The following HS1BP3 variants were observed in gnomAD, a reference collection of about 807,000 sequenced individuals.
HS1BP3 encodes HCLS1-binding protein 3.
HS1BP3 carries 32 observed loss-of-function variants against 33.5 expected under a neutral mutation model. The observed-to-expected ratio is 0.95, with a 90% CI of 0.72 to 1.28. The LOEUF (loss-of-function observed/expected upper bound fraction) is 1.28. Ranked by LOEUF, HS1BP3 falls within the 50% of genes most tolerant of loss-of-function variation. HS1BP3 has a pLI of 0.00. For missense variants in HS1BP3, 486 were observed against 502.3 expected (o/e 0.97, Z 0.31); for synonymous variants, 187 against 209.2 (o/e 0.89, Z 0.92).
chr2:20,565,139 T>C (rs1558315457), intron 5 of HS1BP3, among the ~76,000 whole-genome samples: 1 of 152,118 alleles, frequency 6.6e-6, no homozygotes. Context: ...GACACAAAAT[T>C]GTGGCTCAGT....
chr2:20,559,536 G>A (rs1335986615), downstream of HS1BP3, among the ~76,000 whole-genome samples: 2 of 151,892 alleles, frequency 1.3e-5, no homozygotes, highest in Admixed American at 1.3e-4. Flanking sequence ...ATGGATGGAT[G>A]CATGGATGGA....
At chr2:20,633,626 G>A (rs1444297252) in intron 4 of HS1BP3, among the ~76,000 whole-genome samples, 4 of 152,154 alleles carry the variant, frequency 2.6e-5, no homozygotes, top group South Asian at 2.1e-4. Flanking sequence ...AGGTTCAAGC[G>A]ATTCTCCTGC....
chr2:20,625,323 C>G (rs1694746401), intron 4 of HS1BP3, among the ~76,000 whole-genome samples: 1 of 152,206 alleles, frequency 6.6e-6, no homozygotes, highest in Non-Finnish European at 1.5e-5. Flanking sequence ...CTCTTAGACG[C>G]CTTCAGGCCT....
At chr2:20,603,374 G>A (rs923292294) in intron 2 of HS1BP3, among the ~76,000 whole-genome samples, 2 of 152,204 alleles carry the variant, frequency 1.3e-5, no homozygotes, top group African/African-American at 4.8e-5. Flanking sequence ...GTAAAGCTAT[G>A]CAAAGAATTG....
intron 2 of HS1BP3, among the ~76,000 whole-genome samples, chr2:20,642,564 G>T (rs1010579687): frequency 2.0e-5 from 3 of 152,346 alleles, no homozygotes; most frequent in Admixed American, 6.5e-5. Flanking sequence ...CACGGTGGGG[G>T]CCGGGCGCCC....
chr2:20,590,925 A>G (rs981360615), downstream of HS1BP3: 1 of 167,200 alleles, frequency 6.0e-6, no homozygotes, highest in Non-Finnish European at 1.5e-5. Context: ...TTCCTATTCA[A>G]TAAAGGGAAG....
downstream of HS1BP3, among the ~76,000 whole-genome samples, chr2:20,617,374 T>C (rs1364827857): frequency 6.6e-6 from 1 of 152,082 alleles, no homozygotes; most frequent in Non-Finnish European, 1.5e-5. Context: ...CTCAGAGCCC[T>C]GGGGAGGGAG....
intron 2 of HS1BP3, among the ~76,000 whole-genome samples, chr2:20,605,589 G>T (rs1434514469): frequency 6.6e-6 from 1 of 151,992 alleles, no homozygotes; most frequent in African/African-American, 2.4e-5. Flanking sequence ...ATACCTCCCC[G>T]CACTCCCAGC....
Position 20,638,573 on chromosome 2 carries a change from A to T in HS1BP3, c.486T>A (p.Asn162Lys). The change falls in exon 4 of 7, where the codon AAT (asparagine) becomes AAA (lysine). Residue 162 changes from asparagine (N) to lysine (K), a missense_variant. Asn to Lys is a moderately conservative substitution (Grantham distance 94). Coordinates refer to ENST00000304031, the MANE Select transcript of HS1BP3 (RefSeq NM_022460.4). ...CAAAAAAGTCGAAAGCCTCTTCATC[A>T]TTCCCTGTCTGACTGTCTGTGCCAT... ...VLDGTDSQTG[N>K]DEEAFDFFEE... The T allele has an allele frequency of 6.2e-7, 1 of 1,614,202 alleles. No individual in the cohort carries two copies. The highest frequency in any genetic ancestry group is 8.5e-7 in the Non-Finnish European group (1 of 1,180,036).
At chr2:20,624,067 C>A (rs778006366) in intron 5 of HS1BP3, 36 bp from the exon 6 acceptor site, 1 of 1,603,352 alleles carries the variant, frequency 6.2e-7, no homozygotes, top group Non-Finnish European at 8.5e-7. Flanking sequence ...TCAGAGGAAG[C>A]CTCTAGGCTG....
chr2:20,621,285 G>A (rs574277785), intron 6 of HS1BP3, among the ~76,000 whole-genome samples: 2 of 152,338 alleles, frequency 1.3e-5, no homozygotes, highest in African/African-American at 4.8e-5. Flanking sequence ...AAGGAGCTCC[G>A]GACACCCTGC....
At chr2:20,625,446 C>T (rs1433866797) in intron 4 of HS1BP3, among the ~76,000 whole-genome samples, 1 of 152,246 alleles carries the variant, frequency 6.6e-6, no homozygotes, top group African/African-American at 2.4e-5. Context: ...GAACCACACT[C>T]CACAGCCACT....
chr2:20,565,349 C>T (rs887021577), intron 5 of HS1BP3, among the ~76,000 whole-genome samples: 1 of 152,226 alleles, frequency 6.6e-6, no homozygotes, highest in Non-Finnish European at 1.5e-5. Context: ...ATGGACCAGG[C>T]ACTTCCATGG....
At chr2:20,620,943 G>A (rs183862485) in intron 6 of HS1BP3, among the ~76,000 whole-genome samples, 2 of 152,374 alleles carry the variant, frequency 1.3e-5, no homozygotes, top group African/African-American at 4.8e-5. Flanking sequence ...TCCAGAGAAG[G>A]GAGTGAGCCC....
chr2:20,569,428 TA>T (rs1375374494), intron 5 of HS1BP3, among the ~76,000 whole-genome samples: 10 of 152,210 alleles, frequency 6.6e-5, no homozygotes, highest in Non-Finnish European at 1.0e-4. Flanking sequence ...GACTCCTACA[TA>T]GGGTGGCCAA....
intron 4 of HS1BP3, among the ~76,000 whole-genome samples, chr2:20,628,410 A>C (rs915557023): frequency 2.6e-5 from 4 of 152,112 alleles, no homozygotes; most frequent in African/African-American, 7.2e-5. Context: ...TAAAGCAAAA[A>C]GTTTACGGGA....
chr2:20,633,875 T>C (rs1695040503), intron 4 of HS1BP3, among the ~76,000 whole-genome samples: 1 of 152,256 alleles, frequency 6.6e-6, no homozygotes, highest in Non-Finnish European at 1.5e-5. Context: ...TGTGCTGCTG[T>C]GATCACTGTG....
At chr2:20,639,827 A>G (rs371338708) in intron 3 of HS1BP3, among the ~76,000 whole-genome samples, 4 of 152,312 alleles carry the variant, frequency 2.6e-5, no homozygotes, top group Admixed American at 6.5e-5. Context: ...TCTTCCAGCG[A>G]TGGCTGAGCT....
downstream of HS1BP3, among the ~76,000 whole-genome samples, chr2:20,556,469 AT>A (rs1180949560): frequency 3.0e-5 from 2 of 66,822 alleles, no homozygotes; most frequent in African/African-American, 5.5e-5. Context: ...TATCAAATAT[AT>A]TATCAAATTC....
Sources: allele counts gnomAD v4.1 joint callset (sites outside exome capture counted in the v4.1 genomes callset), GRCh38; gene constraint gnomAD v4.1.1; transcripts MANE v1.5; gene names NCBI Gene and HGNC (gene_info 2026-07-23, HGNC 2026-07-21).